The following PDE3A variants were observed in gnomAD, a reference collection of about 807,000 sequenced individuals.
PDE3A encodes the protein phosphodiesterase 3A.
A neutral mutation model predicts 98.3 loss-of-function variants in PDE3A; 43 were observed. That is an observed-to-expected ratio of 0.44 (90% confidence interval 0.34 to 0.56). PDE3A has a LOEUF of 0.56. PDE3A is among the 20% of genes least tolerant of loss of function. PDE3A has a pLI of 0.01. For synonymous variants in PDE3A, 663 were observed against 567.9 expected (o/e 1.17, Z -2.38); for missense variants, 1,427 against 1,440.7 (o/e 0.99, Z 0.15).
chr12:20,395,894 ATTATT>A (rs1301527303), intron 1 of PDE3A, among the ~76,000 whole-genome samples: 18 of 151,930 alleles, frequency 1.2e-4, no homozygotes, highest in Admixed American at 9.2e-4. Context: ...TTATTCTTTT[ATTATT>A]TTATTTTAGG....
intron 2 of PDE3A, among the ~76,000 whole-genome samples, chr12:20,606,006 A>G (rs1483266037): frequency 2.0e-5 from 3 of 152,202 alleles, no homozygotes; most frequent in African/African-American, 7.2e-5. Context: ...GCAGAGTCAT[A>G]ACTTGACTAT....
intron 1 of PDE3A, among the ~76,000 whole-genome samples, chr12:20,439,878 A>G (rs1295262474): frequency 6.6e-6 from 1 of 152,114 alleles, no homozygotes; most frequent in African/African-American, 2.4e-5. Context: ...GACAGCTAGC[A>G]CTATCTAGTA....
chr12:20,458,653 A>G (rs2120916667), intron 1 of PDE3A, among the ~76,000 whole-genome samples: 1 of 152,262 alleles, frequency 6.6e-6, no homozygotes, highest in African/African-American at 2.4e-5. Context: ...TCAGACAAGT[A>G]GAGCAAAAGA....
chr12:20,518,405 G>C (rs1420529401), intron 1 of PDE3A, among the ~76,000 whole-genome samples: 3 of 149,676 alleles, frequency 2.0e-5, no homozygotes, highest in Admixed American at 2.0e-4. Context: ...TTTAATAATG[G>C]AGAAAAAAAA....
intron 1 of PDE3A, among the ~76,000 whole-genome samples, chr12:20,399,818 T>C (rs879663135): frequency 3.3e-5 from 5 of 152,208 alleles, no homozygotes; most frequent in Non-Finnish European, 7.3e-5. Context: ...AAAATTCTGT[T>C]GTTAAGGATG....
intron 3 of PDE3A, among the ~76,000 whole-genome samples, chr12:20,614,987 CT>C (rs939437206): frequency 5.3e-5 from 2 of 37,456 alleles, no homozygotes; most frequent in African/African-American, 1.1e-4. Flanking sequence ...TTAACTTTTT[CT>C]TTTCTTTTTT....
chr12:20,566,897 G>A (rs1209029743), intron 2 of PDE3A, among the ~76,000 whole-genome samples: 1 of 151,842 alleles, frequency 6.6e-6, no homozygotes, highest in Non-Finnish European at 1.5e-5. Flanking sequence ...GGTGTACGGT[G>A]ACTTAGTGCC....
At chr12:20,521,020 G>T (rs1021329776) in intron 1 of PDE3A, among the ~76,000 whole-genome samples, 5 of 152,128 alleles carry the variant, frequency 3.3e-5, no homozygotes, top group African/African-American at 4.8e-5. Flanking sequence ...GAATGGCCTC[G>T]GCTTCTCCTG....
chr12:20,683,849 T>G lies in PDE3A; in HGVS notation c.*3578T>G, dbSNP rs373357785. ...ACCAGAACAAATCTTTCCGTTGCAA[T>G]CCCAGTAAAACGAAAGAAAAGGAAT... On this transcript the variant is annotated 3_prime_UTR_variant, in exon 16 of 16. Coordinates refer to ENST00000359062, the MANE Select transcript of PDE3A (RefSeq NM_000921.5). 4 of 152,138 alleles carry G rather than the reference T, an allele frequency of 2.6e-5. No individual in the cohort carries two copies. The highest frequency in any genetic ancestry group is 5.9e-5 in the Non-Finnish European group (4 of 68,024). 9.4% of individuals were successfully genotyped at this position (152,138 alleles called of 1,614,324 possible).
Position 20,552,337 on chromosome 12 carries a change from A to G in PDE3A, c.961-4323A>G. Reference sequence around the variant, plus strand: ...TGTGAAATACTGGCCCGAGAAGGGGAAGTCCGGGTTTCTCGTGTGGCGCTA... The same window carrying G: ...TGTGAAATACTGGCCCGAGAAGGGGGAGTCCGGGTTTCTCGTGTGGCGCTA... On this transcript the variant is annotated intron_variant, in intron 1 of 15. Coordinates refer to ENST00000359062, the MANE Select transcript of PDE3A (RefSeq NM_000921.5). The surrounding 1 kb of genome is among the most constrained non-coding windows in gnomAD (Gnocchi z 5.1). 7 of 1,613,692 alleles carry G rather than the reference A, an allele frequency of 4.3e-6. No homozygotes were observed. The highest frequency in any genetic ancestry group is 5.9e-6 in the Non-Finnish European group (7 of 1,179,820).
At chr12:20,370,396 TTTTG>T in intron 1 of PDE3A, 152 bp downstream of exon 1, 2 of 468,130 alleles carry the variant, frequency 4.3e-6, no homozygotes, top group East Asian at 3.4e-5. Flanking sequence ...CAGGTTTTTT[TTTTG>T]TTTTTTTTGT....
At chr12:20,550,648 C>T (rs1942176297) in intron 1 of PDE3A, among the ~76,000 whole-genome samples, 1 of 151,914 alleles carries the variant, frequency 6.6e-6, no homozygotes, top group Non-Finnish European at 1.5e-5. Context: ...GGTCAGTGTA[C>T]CCAAAATTGT....
At chr12:20,464,724 G>T (rs1182739059) in intron 1 of PDE3A, among the ~76,000 whole-genome samples, 1 of 152,120 alleles carries the variant, frequency 6.6e-6, no homozygotes, top group Non-Finnish European at 1.5e-5. Flanking sequence ...GTGAGTGCAG[G>T]ACTATAAATT....
chr12:20,577,563 C>T (rs1039396134), intron 2 of PDE3A, among the ~76,000 whole-genome samples: 1 of 152,222 alleles, frequency 6.6e-6, no homozygotes, highest in African/African-American at 2.4e-5. Flanking sequence ...GAGACCTGAA[C>T]TCAGATTCCA....
At chr12:20,454,945 G>A (rs1000351631) in intron 1 of PDE3A, among the ~76,000 whole-genome samples, 1 of 152,128 alleles carries the variant, frequency 6.6e-6, no homozygotes, top group Admixed American at 6.5e-5. Flanking sequence ...ATGTGCATTT[G>A]TCTTTATGAC....
At chr12:20,491,816 G>A (rs1241064343) in intron 1 of PDE3A, among the ~76,000 whole-genome samples, 1 of 152,224 alleles carries the variant, frequency 6.6e-6, no homozygotes, top group African/African-American at 2.4e-5. Flanking sequence ...CGGTATAATC[G>A]AATCTCTTTA....
intron 1 of PDE3A, among the ~76,000 whole-genome samples, chr12:20,425,615 T>C (rs1355363476): frequency 6.6e-6 from 1 of 152,208 alleles, no homozygotes; most frequent in Admixed American, 6.5e-5. Context: ...AAAGTGACTT[T>C]CATATTTAGG....
intron 1 of PDE3A, among the ~76,000 whole-genome samples, chr12:20,495,117 A>G (rs1235445251): frequency 6.6e-6 from 1 of 151,904 alleles, no homozygotes; most frequent in Non-Finnish European, 1.5e-5. Context: ...ATTTTTATAT[A>G]CTCTCCTTTG....
At chr12:20,670,946 C>T (rs1295613546) in intron 15 of PDE3A, among the ~76,000 whole-genome samples, 3 of 127,098 alleles carry the variant, frequency 2.4e-5, no homozygotes, top group African/African-American at 3.4e-5. Flanking sequence ...ATTGATAGAC[C>T]ACTAGCAAGA....
Sources: allele counts gnomAD v4.1 joint callset (sites outside exome capture counted in the v4.1 genomes callset), GRCh38; gene constraint gnomAD v4.1.1; non-coding constraint Gnocchi (gnomAD v3.1); transcripts MANE v1.5; gene names NCBI Gene and HGNC (gene_info 2026-07-23, HGNC 2026-07-21).